The following PTPRT variants were observed in gnomAD, a reference collection of about 807,000 sequenced individuals.
PTPRT encodes protein tyrosine phosphatase receptor type T.
In PTPRT, 56 loss-of-function variants were observed where a neutral mutation model predicts 176.8. The ratio of observed to expected loss-of-function variants is 0.32; its 90% confidence interval spans 0.26 to 0.40. PTPRT has a LOEUF of 0.40. Among genes scored for constraint, PTPRT ranks in the 10% least tolerant of loss-of-function variants. PTPRT has a pLI of 1.00. For missense variants in PTPRT, 1,540 were observed against 1,908.2 expected, an observed-to-expected ratio of 0.81 and a Z score of 3.60; for synonymous variants, 783 against 739.0, an observed-to-expected ratio of 1.06 and a Z score of -0.96.
chr20:42,493,284 T>G (rs1210006128), intron 7 of PTPRT, among the ~76,000 whole-genome samples: 1 of 152,100 alleles, frequency 6.6e-6, no homozygotes, highest in Non-Finnish European at 1.5e-5. Context: ...GTGTTCTAAG[T>G]CCATGTTTTT....
chr20:42,623,080 C>T (rs2145863646), intron 7 of PTPRT, among the ~76,000 whole-genome samples: 1 of 152,316 alleles, frequency 6.6e-6, no homozygotes, highest in Non-Finnish European at 1.5e-5. Context: ...CCCTCTAGCT[C>T]CCCATCCATC....
chr20:42,657,989 C>A (rs1210732455), intron 7 of PTPRT, among the ~76,000 whole-genome samples: 2 of 144,246 alleles, frequency 1.4e-5, no homozygotes, highest in Non-Finnish European at 3.0e-5. Context: ...TGAAAATTAT[C>A]TTTTAACAGT....
rs1377117828 is a variant in PTPRT at position 42,792,239 on chromosome 20, T to A, written c.215-773A>T. 2.0e-5 allele frequency among the ~76,000 whole-genome samples: 3 copies of A among 152,242 alleles called. No individual in the cohort carries two copies. In the East Asian group the frequency reaches 5.8e-4, roughly 29 times the overall value. ...AAAGCCCAACCTAGATCAGCCAATC[T>A]ACAATCAATGCACAGTTCCATGAGA... On this transcript the variant is annotated intron_variant, in intron 2 of 30. Transcript: ENST00000373187.
At chr20:42,632,379 C>T (rs530968993) in intron 7 of PTPRT, among the ~76,000 whole-genome samples, 1 of 152,206 alleles carries the variant, frequency 6.6e-6, no homozygotes, top group African/African-American at 2.4e-5. Context: ...GCTGGGATTA[C>T]AGGCCTGGCT....
At chr20:42,465,258 C>A (rs2071084857) in intron 8 of PTPRT, among the ~76,000 whole-genome samples, 1 of 152,072 alleles carries the variant, frequency 6.6e-6, no homozygotes, top group South Asian at 2.1e-4. Flanking sequence ...CAACAGCTAA[C>A]AAAACTTCAT....
chr20:42,279,435 C>T (rs927853624), intron 13 of PTPRT, among the ~76,000 whole-genome samples: 1 of 152,110 alleles, frequency 6.6e-6, no homozygotes, highest in Non-Finnish European at 1.5e-5. Flanking sequence ...AAGAGACACA[C>T]GTAGAAAAGA....
At chr20:42,116,693 G>A (rs1300567863) in intron 21 of PTPRT, among the ~76,000 whole-genome samples, 1 of 152,170 alleles carries the variant, frequency 6.6e-6, no homozygotes, top group Non-Finnish European at 1.5e-5. Flanking sequence ...GGTAAGGGAT[G>A]GGGCCAGGAT....
chr20:42,663,451 T>C (rs1185193796), intron 7 of PTPRT, among the ~76,000 whole-genome samples: 1 of 152,150 alleles, frequency 6.6e-6, no homozygotes, highest in Admixed American at 6.5e-5. Flanking sequence ...AAACAGCCTT[T>C]GTTATGTGGC....
chr20:43,035,118 G>A (rs1159031318), intron 1 of PTPRT, among the ~76,000 whole-genome samples: 1 of 152,138 alleles, frequency 6.6e-6, no homozygotes, highest in Admixed American at 6.5e-5. Flanking sequence ...CTGCAACTCT[G>A]AAACCTCAGG....
At chr20:42,575,467 A>G (rs546881577) in intron 7 of PTPRT, among the ~76,000 whole-genome samples, 3 of 152,242 alleles carry the variant, frequency 2.0e-5, no homozygotes, top group African/African-American at 4.8e-5. Context: ...CTGGGTTTCC[A>G]TCTCAGCAAC....
At chr20:42,709,347 C>T (rs2903590) in intron 6 of PTPRT, among the ~76,000 whole-genome samples, 2,803 of 152,246 alleles carry the variant, frequency 0.018, 95 homozygotes, top group African/African-American at 0.063. Flanking sequence ...GGATCCATCA[C>T]GAATGGCTTG....
intron 1 of PTPRT, among the ~76,000 whole-genome samples, chr20:43,128,089 G>T (rs1340367506): frequency 1.3e-5 from 2 of 152,190 alleles, no homozygotes; most frequent in African/African-American, 2.4e-5. Flanking sequence ...ATGAGCATGG[G>T]AAGGCAGGGT....
At chr20:42,205,523 G>C (rs144369067) in intron 15 of PTPRT, among the ~76,000 whole-genome samples, 13 of 152,270 alleles carry the variant, frequency 8.5e-5, no homozygotes, top group African/African-American at 2.6e-4. Context: ...ACTTAGAAAA[G>C]AGGTGGTGGA....
chr20:42,515,642 C>A lies in PTPRT; in HGVS notation c.1154-43080G>T, dbSNP rs572656562. Among the ~76,000 whole-genome samples, 687 of 152,212 alleles carry A rather than the reference C, an allele frequency of 4.5e-3. 10 individuals carry two copies. Among genetic ancestry groups the A allele is most frequent in the African/African-American group, 0.016 (661 of 41,524 alleles). On this transcript the variant is annotated intron_variant, in intron 7 of 30. Coordinates refer to ENST00000373187, the MANE Select transcript of PTPRT (RefSeq NM_007050.6). ...AGCTTTTTATTGAAGTACAATAGAT[C>A]AAAAATGTGCACAAGTCATAAGTGT...
chr20:43,024,414 C>T (rs1600655965), intron 1 of PTPRT, among the ~76,000 whole-genome samples: 1 of 151,828 alleles, frequency 6.6e-6, no homozygotes, highest in Non-Finnish European at 1.5e-5. Flanking sequence ...CATGGTGAAA[C>T]CCTGTCTCTA....
At chr20:43,188,558 C>G (rs1406954630) in intron 1 of PTPRT, among the ~76,000 whole-genome samples, 1 of 152,202 alleles carries the variant, frequency 6.6e-6, no homozygotes, top group East Asian at 1.9e-4. Context: ...ATGGGCACAG[C>G]TGTTGCTTAG....
intron 26 of PTPRT, among the ~76,000 whole-genome samples, chr20:42,099,695 T>C (rs920367396): frequency 6.6e-6 from 1 of 152,074 alleles, no homozygotes. Flanking sequence ...CAAGAGATGA[T>C]GATGGTTTCT....
At chr20:42,650,327 A>C (rs1371028120) in intron 7 of PTPRT, among the ~76,000 whole-genome samples, 1 of 152,136 alleles carries the variant, frequency 6.6e-6, no homozygotes, top group African/African-American at 2.4e-5. Context: ...TGCACAAATC[A>C]CTGCCAGATG....
At chr20:43,168,331 G>A (rs1260759386) in intron 1 of PTPRT, among the ~76,000 whole-genome samples, 4 of 152,144 alleles carry the variant, frequency 2.6e-5, no homozygotes, top group African/African-American at 4.8e-5. Context: ...GAGTCCAGGA[G>A]AAAGAGATAA....
Sources: gnomAD v4.1 joint callset for allele counts (sites outside exome capture counted in the v4.1 genomes callset) on GRCh38, gnomAD v4.1.1 for gene constraint, MANE v1.5 for transcripts, NCBI Gene and HGNC (gene_info 2026-07-23, HGNC 2026-07-21) for gene names.